FER1L6: variants seen among roughly 807,000 people sequenced by gnomAD.
FER1L6 encodes fer-1-like protein 6.
FER1L6 carries 177 observed loss-of-function variants against 219.2 expected under a neutral mutation model. The ratio of observed to expected loss-of-function variants is 0.81; its 90% CI spans 0.71 to 0.91. FER1L6 has a LOEUF of 0.91. Among genes scored for constraint, FER1L6 ranks in the 40% least tolerant of loss-of-function variants. FER1L6 has a pLI of 0.00. For missense variants in FER1L6, 2,153 were observed against 2,259.9 expected, an observed-to-expected ratio of 0.95 and a Z score of 0.96; for synonymous variants, 768 against 824.3, an observed-to-expected ratio of 0.93 and a Z score of 1.17.
intron 13 of FER1L6, 57 bp downstream of exon 13, chr8:124,003,404 G>GAAACTGGACAAAA: frequency 1.0e-6 from 1 of 977,700 alleles, no homozygotes; most frequent in Non-Finnish European, 1.4e-6. Context: ...ATTTTGTCCA[G>GAAACTGGACAAAA]TTTCTAGGAC....
Position 123,933,400 on chromosome 8 carries a change from GTC to G in FER1L6, c.-7-22590_-7-22589del, listed in dbSNP as rs10589646. Among the ~76,000 whole-genome samples the G allele has an allele frequency of 2.7e-3, 211 of 79,414 alleles. 2 individuals carry two copies. The highest frequency in any genetic ancestry group is 4.5e-3 in the Admixed American group (44 of 9,694). 52.1% of individuals were successfully genotyped at this position (79,414 alleles called of 152,430 possible). A position where few individuals can be genotyped will look rare whatever the true frequency, so the allele number is the denominator to read the frequency against. On this transcript the variant is annotated intron_variant, in intron 1 of 40. Coordinates refer to ENST00000522917, the MANE Select transcript of FER1L6 (RefSeq NM_001039112.2). ...TGTCTGTGTGTGTGTGTGTGTGTGTGTCTGTGTGTGTGTAGCCTCACACTAGC... is the reference window on the plus strand; with the variant it reads ...TGTCTGTGTGTGTGTGTGTGTGTGTGTGTGTGTGTGTAGCCTCACACTAGC...
chr8:123,973,174 T>C (rs1815899443), intron 6 of FER1L6, among the ~76,000 whole-genome samples: 1 of 152,146 alleles, frequency 6.6e-6, no homozygotes, highest in Non-Finnish European at 1.5e-5. Context: ...TGTTGAAGGG[T>C]GAGCTGTACT....
intron 1 of FER1L6, among the ~76,000 whole-genome samples, chr8:123,877,711 G>A (rs566107203): frequency 2.2e-4 from 33 of 151,172 alleles, no homozygotes; most frequent in South Asian, 8.4e-4. Flanking sequence ...AAAATCCACC[G>A]GAATATGTAT....
intron 37 of FER1L6, among the ~76,000 whole-genome samples, chr8:124,100,756 C>A (rs1175769244): frequency 6.6e-6 from 1 of 152,098 alleles, no homozygotes; most frequent in African/African-American, 2.4e-5. Flanking sequence ...GGTGGCATCC[C>A]TTACAAAGAG....
intron 31 of FER1L6, among the ~76,000 whole-genome samples, chr8:124,074,664 A>AG (rs2130884314): frequency 6.6e-6 from 1 of 152,128 alleles, no homozygotes; most frequent in African/African-American, 2.4e-5. Flanking sequence ...AAAAAAAAAA[A>AG]AAGAAAAAGA....
At chr8:124,038,193 C>T (rs973351943) in intron 19 of FER1L6, among the ~76,000 whole-genome samples, 3 of 152,218 alleles carry the variant, frequency 2.0e-5, no homozygotes, top group Non-Finnish European at 2.9e-5. Flanking sequence ...TCATCCTGCT[C>T]CAGTGTCTTG....
chr8:124,050,723 G>C (rs558080141), intron 22 of FER1L6, among the ~76,000 whole-genome samples: 102 of 152,112 alleles, frequency 6.7e-4, no homozygotes, highest in African/African-American at 2.3e-3. Context: ...GGCATGACTG[G>C]TGTCTTCATG....
intron 39 of FER1L6, among the ~76,000 whole-genome samples, chr8:124,116,034 C>T (rs965986382): frequency 6.6e-6 from 1 of 152,362 alleles, no homozygotes; most frequent in Admixed American, 6.5e-5. Flanking sequence ...ATTTCAGAAA[C>T]AGCACATTTA....
rs1554608016 is a variant in FER1L6 at position 123,856,318 on chromosome 8, A to ATATATG, written c.-8+4138_-8+4139insGTATAT. On this transcript the variant is annotated intron_variant, in intron 1 of 40. Transcript: ENST00000522917. ...TATATATATATATATATGTATGTGT[A>ATATATG]TATATATATATATATATATATATAT... is the stretch of plus-strand genomic sequence containing the variant. Among the ~76,000 whole-genome samples the ATATATG allele has an allele frequency of 3.1e-5, 2 of 64,002 alleles. 1 individual carries two copies. Among genetic ancestry groups the ATATATG allele is most frequent in the Non-Finnish European group, 6.4e-5 (2 of 31,058 alleles). 42.0% of individuals were successfully genotyped at this position (64,002 alleles called of 152,430 possible).
At chr8:123,887,050 C>T (rs977406126) in intron 1 of FER1L6, among the ~76,000 whole-genome samples, 7 of 152,146 alleles carry the variant, frequency 4.6e-5, no homozygotes, top group South Asian at 2.1e-4. Flanking sequence ...ACCAGATCAT[C>T]GCATCCATAC....
chr8:124,009,153 T>C (rs1416762426), intron 13 of FER1L6, among the ~76,000 whole-genome samples: 1 of 152,234 alleles, frequency 6.6e-6, no homozygotes, highest in African/African-American at 2.4e-5. Context: ...GCCTGGCACA[T>C]AGAGACTAAA....
intron 12 of FER1L6, among the ~76,000 whole-genome samples, chr8:123,996,677 T>C (rs1434592239): frequency 6.6e-6 from 1 of 152,086 alleles, no homozygotes; most frequent in Non-Finnish European, 1.5e-5. Flanking sequence ...GTTATTTGTT[T>C]TCTGGTTGTT....
At chr8:124,119,496 T>C in intron 40 of FER1L6, 111 bp from the exon 41 acceptor site, 2 of 713,250 alleles carry the variant, frequency 2.8e-6, no homozygotes, top group Non-Finnish European at 5.0e-6. Flanking sequence ...TTTTCAGGGC[T>C]CTCCCTATGG....
intron 33 of FER1L6, among the ~76,000 whole-genome samples, chr8:124,082,820 A>AT (rs1821617607): frequency 6.6e-6 from 1 of 152,238 alleles, no homozygotes; most frequent in Non-Finnish European, 1.5e-5. Context: ...GCTAATTATA[A>AT]CACTCATGTA....
chr8:123,962,734 G>T (rs1815348304), intron 2 of FER1L6, among the ~76,000 whole-genome samples: 1 of 152,112 alleles, frequency 6.6e-6, no homozygotes, highest in African/African-American at 2.4e-5. Context: ...TTCAAGCGTT[G>T]CTCCTGCCTT....
intron 12 of FER1L6, among the ~76,000 whole-genome samples, chr8:124,001,565 C>T (rs1817411352): frequency 6.6e-6 from 1 of 152,176 alleles, no homozygotes; most frequent in South Asian, 2.1e-4. Context: ...ACAAAACCTG[C>T]TAACTCTAAG....
chr8:123,966,856 C>T (rs546375363), intron 5 of FER1L6, among the ~76,000 whole-genome samples: 12 of 152,144 alleles, frequency 7.9e-5, no homozygotes, highest in South Asian at 2.1e-4. Flanking sequence ...CCACGGCGTG[C>T]GGATCACGAG....
At chr8:123,964,486 A>C (rs1181605188) in intron 3 of FER1L6, among the ~76,000 whole-genome samples, 6 of 152,148 alleles carry the variant, frequency 3.9e-5, no homozygotes, top group Admixed American at 3.9e-4. Flanking sequence ...AGAAGTTGAC[A>C]CTCAAAAGAA....
chr8:124,003,411 G>GAACT, intron 13 of FER1L6, 64 bp downstream of exon 13: 1 of 1,039,176 alleles, frequency 9.6e-7, no homozygotes, highest in Non-Finnish European at 1.4e-6. Context: ...CCAGTTTCTA[G>GAACT]GACTGTTTTC....
Sources: gnomAD v4.1 joint callset for allele counts (sites outside exome capture counted in the v4.1 genomes callset) on GRCh38, gnomAD v4.1.1 for gene constraint, MANE v1.5 for transcripts, NCBI Gene and HGNC (gene_info 2026-07-23, HGNC 2026-07-21) for gene names.